Variants in DMD observed in about 807,000 individuals in gnomAD.
The protein encoded by DMD is dystrophin.
Under a neutral mutation model 330.1 loss-of-function variants are expected in DMD, and 63 were observed. The ratio of observed to expected loss-of-function variants is 0.19; its 90% CI spans 0.16 to 0.24. The LOEUF (loss-of-function observed/expected upper bound fraction) is 0.24. DMD is among the 10% of genes least tolerant of loss of function. The pLI, the probability that DMD is intolerant of heterozygous loss-of-function variation, is 1.00. For synonymous variants in DMD, 1,223 were observed against 959.8 expected (o/e 1.27, Z -5.07); for missense variants, 3,344 against 2,684.1 (o/e 1.25, Z -5.43).
At chrX:32,806,770 A>G (rs764258255) in intron 7 of DMD, among the ~76,000 whole-genome samples, 1 of 109,922 alleles carries the variant, frequency 9.1e-6, no homozygotes, top group African/African-American at 3.3e-5. Context: ...CAAACAAATT[A>G]GAACTCAGGA....
At chrX:32,567,690 C>A (rs1030646587) in intron 15 of DMD, among the ~76,000 whole-genome samples, 7 of 112,504 alleles carry the variant, frequency 6.2e-5, no homozygotes, top group African/African-American at 1.9e-4. Context: ...AGCCACCATA[C>A]CCAGCCCAAT....
chrX:31,159,755 G>A (rs1262199786), intron 74 of DMD, among the ~76,000 whole-genome samples: 2 of 111,793 alleles, frequency 1.8e-5, no homozygotes, highest in Non-Finnish European at 3.8e-5. Context: ...TTAGCCATGG[G>A]CTCTAGAAGC....
intron 18 of DMD, among the ~76,000 whole-genome samples, chrX:32,514,622 T>C (rs2045672344): frequency 8.9e-6 from 1 of 111,908 alleles, no homozygotes; most frequent in Admixed American, 9.4e-5. Flanking sequence ...GCGCCTGTAG[T>C]CCCAGCTACT....
intron 78 of DMD, 91 bp downstream of exon 78, chrX:31,126,551 G>A (rs984085687): frequency 8.1e-5 from 63 of 778,958 alleles, no homozygotes; most frequent in Non-Finnish European, 9.9e-5. Flanking sequence ...ACACATGCGC[G>A]TGCACACACA....
At chrX:32,891,802 G>A (rs886504539) in intron 2 of DMD, among the ~76,000 whole-genome samples, 1 of 101,732 alleles carries the variant, frequency 9.8e-6, no homozygotes, top group Admixed American at 1.1e-4. Flanking sequence ...CTCCAAGGCT[G>A]GATGGCATGA....
At chrX:31,520,411 T>A (rs2072635660) in intron 55 of DMD, among the ~76,000 whole-genome samples, 1 of 111,462 alleles carries the variant, frequency 9.0e-6, no homozygotes, top group Admixed American at 9.5e-5. Flanking sequence ...TCCTTCCCCT[T>A]TGCTTTCCAC....
intron 37 of DMD, among the ~76,000 whole-genome samples, chrX:32,351,431 T>C (rs964644896): frequency 9.1e-6 from 1 of 110,147 alleles, no homozygotes; most frequent in African/African-American, 3.3e-5. Flanking sequence ...ACAGATTAAT[T>C]TATCTGCGGC....
chrX:32,184,484 A>T (rs1339366772), intron 44 of DMD, among the ~76,000 whole-genome samples: 1 of 111,222 alleles, frequency 9.0e-6, no homozygotes, highest in African/African-American at 3.3e-5. Context: ...AAAGAAACGG[A>T]AGGAATTGTA....
chrX:32,866,740 G>A (rs2082529833), intron 2 of DMD, among the ~76,000 whole-genome samples: 1 of 37,383 alleles, frequency 2.7e-5, no homozygotes, highest in East Asian at 1.4e-3. Flanking sequence ...GGGGTGGGGG[G>A]GTGGGGGGGG....
intron 48 of DMD, among the ~76,000 whole-genome samples, chrX:31,849,468 T>C (rs2093483001): frequency 9.0e-6 from 1 of 110,602 alleles, no homozygotes; most frequent in African/African-American, 3.3e-5. Flanking sequence ...TGCACCTCAT[T>C]ATAAGGGGAT....
intron 30 of DMD, among the ~76,000 whole-genome samples, chrX:32,408,863 T>A (rs2098129688): frequency 1.0e-5 from 1 of 97,608 alleles, no homozygotes; most frequent in African/African-American, 3.8e-5. Context: ...TTTTCTTTCT[T>A]TCATCTATCT....
intron 1 of DMD, among the ~76,000 whole-genome samples, chrX:33,061,286 G>C (rs1297623319): frequency 8.9e-6 from 1 of 112,418 alleles, no homozygotes; most frequent in Non-Finnish European, 1.9e-5. Context: ...ACATTCAGTA[G>C]ACACTTGCAT....
chrX:32,729,526 G>C (rs1200043401), intron 7 of DMD, among the ~76,000 whole-genome samples: 1 of 111,496 alleles, frequency 9.0e-6, no homozygotes, highest in Non-Finnish European at 1.9e-5. Context: ...TTCTCCAAGA[G>C]GAGTATTATA....
At chrX:33,047,486 T>A (rs1317087067) in intron 1 of DMD, among the ~76,000 whole-genome samples, 5 of 111,557 alleles carry the variant, frequency 4.5e-5, no homozygotes, top group African/African-American at 1.6e-4. Flanking sequence ...AAAATTTGTT[T>A]GTACTACTGG....
At chrX:31,856,069 A>G (rs1004198424) in intron 48 of DMD, among the ~76,000 whole-genome samples, 5 of 112,081 alleles carry the variant, frequency 4.5e-5, no homozygotes, top group South Asian at 7.4e-4. Context: ...ACTAGAATCT[A>G]GAATATACAG....
intron 1 of DMD, among the ~76,000 whole-genome samples, chrX:33,277,026 T>C (rs2053246250): frequency 8.9e-6 from 1 of 112,098 alleles, no homozygotes; most frequent in African/African-American, 3.2e-5. Context: ...TACTCAATTT[T>C]ACCACATAGA....
intron 51 of DMD, among the ~76,000 whole-genome samples, chrX:31,749,979 T>G (rs1388834545): frequency 4.6e-5 from 5 of 107,789 alleles, no homozygotes; most frequent in African/African-American, 1.7e-4. Context: ...TCGCCCACTT[T>G]TGGATGGGGT....
At chrX:33,277,950 T>A (rs1477241044) in intron 1 of DMD, among the ~76,000 whole-genome samples, 2 of 109,981 alleles carry the variant, frequency 1.8e-5, no homozygotes, top group South Asian at 4.0e-4. Context: ...AAACAATTTT[T>A]AAAAATGGGC....
intron 1 of DMD, among the ~76,000 whole-genome samples, chrX:33,108,916 C>T (rs1230329745): frequency 2.5e-5 from 2 of 79,447 alleles, no homozygotes; most frequent in Admixed American, 3.2e-4. Flanking sequence ...AAACCTAAGT[C>T]TGTTCAATTT....
Sources: allele counts gnomAD v4.1 joint callset (sites outside exome capture counted in the v4.1 genomes callset), GRCh38; gene constraint gnomAD v4.1.1; transcripts MANE v1.5; gene names NCBI Gene and HGNC (gene_info 2026-07-23, HGNC 2026-07-21).